ATP10A: variants seen among roughly 807,000 people sequenced by gnomAD.
ATP10A encodes the protein ATPase phospholipid transporting 10A (putative), also known as phospholipid-transporting ATPase VA.
ATP10A carries 111 observed loss-of-function variants against 147.8 expected under a neutral mutation model. The ratio of observed to expected loss-of-function variants is 0.75; its 90% CI spans 0.64 to 0.88. The LOEUF (loss-of-function observed/expected upper bound fraction) is 0.88. Ranked by LOEUF, ATP10A falls within the 40% of genes least tolerant of loss-of-function variation. The pLI, the probability that ATP10A is intolerant of heterozygous loss-of-function variation, is 0.00. For synonymous variants in ATP10A, 875 were observed against 841.6 expected, an observed-to-expected ratio of 1.04 and a Z score of -0.69; for missense variants, 1,927 against 1,959.0, an observed-to-expected ratio of 0.98 and a Z score of 0.31.
At chr15:25,777,595 C>A (rs1416553238) in intron 2 of ATP10A, among the ~76,000 whole-genome samples, 2 of 151,910 alleles carry the variant, frequency 1.3e-5, no homozygotes, top group Non-Finnish European at 2.9e-5. Flanking sequence ...CCTTCATCAG[C>A]TATTCCCATA....
chr15:25,717,721 C>A (rs568460963), intron 8 of ATP10A, among the ~76,000 whole-genome samples: 15 of 97,228 alleles, frequency 1.5e-4, no homozygotes, highest in African/African-American at 6.1e-4. Context: ...AAGGCTCTTT[C>A]AGAGGTTATT....
intron 1 of ATP10A, among the ~76,000 whole-genome samples, chr15:25,798,298 G>A (rs1890776471): frequency 6.6e-6 from 1 of 152,154 alleles, no homozygotes; most frequent in Admixed American, 6.5e-5. Context: ...ATGCTATAAG[G>A]TCTGAATTCT....
At chr15:25,850,580 TG>T (rs1360600720) in intron 1 of ATP10A, among the ~76,000 whole-genome samples, 1 of 152,050 alleles carries the variant, frequency 6.6e-6, no homozygotes, top group Non-Finnish European at 1.5e-5. Flanking sequence ...TTTGGAGAAC[TG>T]GAACTGTGTA....
chr15:25,736,234 G>T, intron 2 of ATP10A, 93 bp from the exon 3 acceptor site: 1 of 995,438 alleles, frequency 1.0e-6, no homozygotes, highest in Non-Finnish European at 1.6e-6. Flanking sequence ...TCCGCGGCAG[G>T]CACATTTCAC....
chr15:25,794,338 C>T (rs901334146), intron 1 of ATP10A, among the ~76,000 whole-genome samples: 14 of 151,960 alleles, frequency 9.2e-5, no homozygotes, highest in African/African-American at 3.1e-4. Flanking sequence ...ACAAAGCAAC[C>T]TCTTTAATAA....
chr15:25,727,885 CG>C (rs547746935), intron 3 of ATP10A, among the ~76,000 whole-genome samples: 4 of 152,322 alleles, frequency 2.6e-5, no homozygotes, highest in African/African-American at 9.6e-5. Flanking sequence ...ACTTGTCCTC[CG>C]GGCCCACTGA....
In ATP10A at chr15:25,679,919, G is replaced by C. The variant is rs550258170; in HGVS notation, c.3922C>G (p.Arg1308Gly). 5.0e-6 allele frequency: 8 copies of C among 1,608,720 alleles called. No individual in the cohort carries two copies. The highest frequency in any genetic ancestry group is 5.9e-6 in the Non-Finnish European group (7 of 1,177,316). Residue 1308 changes from arginine to glycine, a missense_variant, in exon 21 of 21, where the codon CGT becomes GGT. Transcript: ENST00000555815. ...RVFPTQLQLA[R>G]QLTRKSPRRC... is the part of the protein sequence containing the mutation. ...CTGGGGGACTTCCTGGTCAACTGAC[G>C]TGCCAGCTGAAGTTGTGTGGGGAAA... is the stretch of plus-strand genomic sequence containing the variant.
intron 1 of ATP10A, among the ~76,000 whole-genome samples, chr15:25,801,381 G>A (rs983518372): frequency 2.0e-5 from 3 of 152,276 alleles, no homozygotes; most frequent in South Asian, 2.1e-4. Flanking sequence ...AGCCAATCAC[G>A]GCTCTGAGCC....
rs1050119536 is a variant in ATP10A, at chr15:25,851,576, T to G, written c.449+11072A>C. On this transcript the variant is annotated intron_variant, in intron 1 of 20. Coordinates refer to ENST00000555815, the MANE Select transcript of ATP10A (RefSeq NM_024490.4). The stretch of plus-strand genomic sequence containing the variant: ...CATGTTACCATTTCCCCAGAATGCT[T>G]CTTCTAGTGAGGTACATTTTTCAGA... Among the ~76,000 whole-genome samples, 7 of 152,332 alleles carry G rather than the reference T, an allele frequency of 4.6e-5. No homozygotes were observed. In the South Asian group the frequency reaches 1.0e-3, roughly 23 times the overall value.
chr15:25,760,523 T>G (rs1320113495), intron 2 of ATP10A, among the ~76,000 whole-genome samples: 1 of 152,212 alleles, frequency 6.6e-6, no homozygotes, highest in Non-Finnish European at 1.5e-5. Flanking sequence ...AATCTTCAAG[T>G]GTTATGTCTT....
intron 13 of ATP10A, among the ~76,000 whole-genome samples, chr15:25,695,805 C>T (rs1900305076): frequency 6.6e-6 from 1 of 152,060 alleles, no homozygotes; most frequent in South Asian, 2.1e-4. Flanking sequence ...TTCTCAGAGG[C>T]CCTTACCTAA....
intron 2 of ATP10A, among the ~76,000 whole-genome samples, chr15:25,743,896 G>T (rs1433619665): frequency 6.6e-6 from 1 of 152,096 alleles, no homozygotes; most frequent in Non-Finnish European, 1.5e-5. Flanking sequence ...GTATCACTTT[G>T]ATAGTGAGGT....
chr15:25,791,229 C>G (rs577090343), intron 1 of ATP10A, among the ~76,000 whole-genome samples: 6 of 150,564 alleles, frequency 4.0e-5, no homozygotes, highest in Non-Finnish European at 8.9e-5. Context: ...ACAGGCGTGC[C>G]CCACCACACT....
intron 10 of ATP10A, chr15:25,709,806 CT>C (rs1901285167): frequency 6.6e-6 from 1 of 152,534 alleles, no homozygotes; most frequent in Non-Finnish European, 1.5e-5. Flanking sequence ...TGACTTTTCC[CT>C]TACATGTCCT....
chr15:25,797,075 C>G (rs1017934254), intron 1 of ATP10A, among the ~76,000 whole-genome samples: 3 of 152,102 alleles, frequency 2.0e-5, no homozygotes, highest in African/African-American at 7.2e-5. Context: ...GATCCTAAAA[C>G]GACTCCTCCT....
chr15:25,808,363 C>T (rs1238435929), intron 1 of ATP10A, among the ~76,000 whole-genome samples: 1 of 151,888 alleles, frequency 6.6e-6, no homozygotes, highest in East Asian at 1.9e-4. Flanking sequence ...CAGTTTACCT[C>T]ATTTTGCAGG....
chr15:25,691,703 AT>A lies in ATP10A; in HGVS notation c.3165+11del. ...CCAATTGGTCACACAGAATAGCCTGATTGGTCTTTACCTGCATACCCTCCTG... is the reference window on the plus strand; with the variant it reads ...CCAATTGGTCACACAGAATAGCCTGATGGTCTTTACCTGCATACCCTCCTG... On this transcript the variant is annotated intron_variant, in intron 15 of 20. Coordinates refer to ENST00000555815, the MANE Select transcript of ATP10A (RefSeq NM_024490.4). The A allele has an allele frequency of 6.2e-7, 1 of 1,614,070 alleles. No individual in the cohort carries two copies.
At chr15:25,729,922 C>A (rs548534364) in intron 3 of ATP10A, among the ~76,000 whole-genome samples, 1 of 152,122 alleles carries the variant, frequency 6.6e-6, no homozygotes, top group East Asian at 1.9e-4. Context: ...GGCTGCCCGG[C>A]CCTTGGCTTT....
intron 1 of ATP10A, among the ~76,000 whole-genome samples, chr15:25,787,881 G>T (rs1457899339): frequency 6.6e-6 from 1 of 152,050 alleles, no homozygotes. Flanking sequence ...CTCCCTCACT[G>T]GTACCACCTG....
Sources: allele counts gnomAD v4.1 joint callset (sites outside exome capture counted in the v4.1 genomes callset), GRCh38; gene constraint gnomAD v4.1.1; transcripts MANE v1.5; gene names NCBI Gene and HGNC (gene_info 2026-07-23, HGNC 2026-07-21).